Variants in PCDH19 observed in about 807,000 individuals in gnomAD.
PCDH19 encodes protocadherin-19.
PCDH19 carries 6 observed loss-of-function variants against 46.2 expected under a neutral mutation model. That is an observed-to-expected ratio of 0.13 (90% CI 0.07 to 0.26). The LOEUF (loss-of-function observed/expected upper bound fraction) is 0.26. PCDH19 is among the 10% of genes least tolerant of loss of function. The pLI, the probability that PCDH19 is intolerant of heterozygous loss-of-function variation, is 1.00. For missense variants in PCDH19, 740 were observed against 972.3 expected (o/e 0.76, Z 3.18); for synonymous variants, 481 against 415.7 (o/e 1.16, Z -1.91).
chrX:100,300,913 C>CAA (rs373692507), intron 5 of PCDH19, among the ~76,000 whole-genome samples: 19,952 of 82,927 alleles, frequency 0.24, 2,367 homozygotes, highest in Middle Eastern at 0.47. Context: ...AACCCCTGGC[C>CAA]AAAAAAAAAA....
intron 3 of PCDH19, among the ~76,000 whole-genome samples, chrX:100,371,025 G>GT (rs1569304514): frequency 3.2e-4 from 34 of 106,680 alleles, no homozygotes; most frequent in African/African-American, 8.9e-4. Flanking sequence ...GTGTGTGTGT[G>GT]GGTGTGTGTG....
intron 3 of PCDH19, among the ~76,000 whole-genome samples, chrX:100,370,899 A>G (rs1467529665): frequency 9.1e-6 from 1 of 109,770 alleles, no homozygotes; most frequent in Non-Finnish European, 1.9e-5. Flanking sequence ...CTTCATTAAC[A>G]TTTTCCCTCC....
chrX:100,406,286 A>G (rs1928343430), intron 1 of PCDH19, among the ~76,000 whole-genome samples, 165 bp downstream of exon 1: 1 of 112,415 alleles, frequency 8.9e-6, no homozygotes. Context: ...AGATCAAAAG[A>G]ATTGATCAAC....
intron 5 of PCDH19, among the ~76,000 whole-genome samples, chrX:100,325,751 A>G (rs1217672697): frequency 8.9e-6 from 1 of 112,560 alleles, no homozygotes; most frequent in African/African-American, 3.2e-5. Flanking sequence ...TTCCAGTTAC[A>G]TTGTTCATGG....
At chrX:100,332,454 G>A (rs1424933506) in intron 5 of PCDH19, among the ~76,000 whole-genome samples, 2 of 107,869 alleles carry the variant, frequency 1.9e-5, no homozygotes, top group Admixed American at 9.9e-5. Context: ...CCCGGGAGGC[G>A]GAGGTTGCAG....
intron 4 of PCDH19, among the ~76,000 whole-genome samples, chrX:100,349,821 C>T (rs993715259): frequency 1.8e-5 from 2 of 112,589 alleles, no homozygotes; most frequent in African/African-American, 3.2e-5. Context: ...AAGAGGTTCT[C>T]TTCTTTGCTC....
chrX:100,339,693 G>A (rs767364709), intron 5 of PCDH19, among the ~76,000 whole-genome samples: 1 of 111,966 alleles, frequency 8.9e-6, no homozygotes, highest in Admixed American at 9.5e-5. Flanking sequence ...TTCAGAAGTA[G>A]TGGGATATCA....
chrX:100,320,364 A>G (rs1925437714), intron 5 of PCDH19, among the ~76,000 whole-genome samples: 1 of 112,335 alleles, frequency 8.9e-6, no homozygotes. Flanking sequence ...GATCACACAG[A>G]GTTAGTGGCA....
At chrX:100,363,743 T>TA (rs1926980720) in intron 3 of PCDH19, among the ~76,000 whole-genome samples, 1 of 99,681 alleles carries the variant, frequency 1.0e-5, no homozygotes, top group African/African-American at 3.6e-5. Context: ...TATATATAAA[T>TA]AATATATATA....
chrX:100,382,080 TAA>T (rs1156468997), intron 3 of PCDH19, among the ~76,000 whole-genome samples: 3 of 102,679 alleles, frequency 2.9e-5, no homozygotes, highest in Admixed American at 1.1e-4. Flanking sequence ...TCCAGTAATT[TAA>T]AAAAAAAAAA....
chrX:100,395,752 C>A (rs1928010115), intron 3 of PCDH19, among the ~76,000 whole-genome samples: 2 of 113,414 alleles, frequency 1.8e-5, no homozygotes, highest in Admixed American at 9.2e-5. Flanking sequence ...CCTCATCATT[C>A]CCCTGGGGGG....
chrX:100,402,461 T>TC, intron 3 of PCDH19, 63 bp downstream of exon 3: 1 of 968,305 alleles, frequency 1.0e-6, no homozygotes, highest in Non-Finnish European at 1.5e-6. Context: ...GCTTATGGTA[T>TC]CCAGCGAGCA....
intron 5 of PCDH19, among the ~76,000 whole-genome samples, chrX:100,303,455 C>A (rs1467361170): frequency 1.8e-5 from 2 of 111,794 alleles, no homozygotes; most frequent in Non-Finnish European, 3.8e-5. Flanking sequence ...TGTTATGTAT[C>A]TAGCAAAAAT....
chrX:100,333,165 G>GAGAGA (rs1569294642), intron 5 of PCDH19, among the ~76,000 whole-genome samples: 3 of 48,387 alleles, frequency 6.2e-5, no homozygotes, highest in South Asian at 1.8e-3. Flanking sequence ...AAGGAAGGAA[G>GAGAGA]GAAGGAAGGG....
At position 100,381,963 on chromosome X, in the gene PCDH19, T is replaced by C. The variant is rs183987857; in HGVS notation, c.2616+20561A>G. 2.1e-4 allele frequency among the ~76,000 whole-genome samples: 23 copies of C among 111,234 alleles called. No homozygotes were observed. In the East Asian group the frequency reaches 6.2e-3, roughly 30 times the overall value. On this transcript the variant is annotated intron_variant, in intron 3 of 5. Coordinates refer to ENST00000373034, the MANE Select transcript of PCDH19 (RefSeq NM_001184880.2). ...CTGCATTTGGATATCATTTTAATTA[T>C]ACGTGCATGGATTACAACTCTATAA...
chrX:100,387,573 A>G (rs1184028382), intron 3 of PCDH19, among the ~76,000 whole-genome samples: 1 of 111,918 alleles, frequency 8.9e-6, no homozygotes, highest in Non-Finnish European at 1.9e-5. Context: ...TGGCCCTTAG[A>G]TAAAGCCTAT....
chrX:100,398,055 C>A (rs1364148060), intron 3 of PCDH19, among the ~76,000 whole-genome samples: 1 of 110,953 alleles, frequency 9.0e-6, no homozygotes, highest in Non-Finnish European at 1.9e-5. Context: ...TTCACATATA[C>A]ACTAAGTCTA....
intron 3 of PCDH19, 130 bp from the exon 4 acceptor site, chrX:100,350,834 T>A: frequency 4.0e-6 from 2 of 505,018 alleles, no homozygotes. Flanking sequence ...AAGGCCACAG[T>A]GCAGCAGCAG....
At chrX:100,352,710 C>T (rs919050304) in intron 3 of PCDH19, among the ~76,000 whole-genome samples, 4 of 111,499 alleles carry the variant, frequency 3.6e-5, no homozygotes, top group Non-Finnish European at 7.5e-5. Context: ...CTTGCTGCTC[C>T]GGCCATGTGA....
Sources: allele counts gnomAD v4.1 joint callset (sites outside exome capture counted in the v4.1 genomes callset), GRCh38; gene constraint gnomAD v4.1.1; transcripts MANE v1.5; gene names NCBI Gene and HGNC (gene_info 2026-07-23, HGNC 2026-07-21).